The following SLC8A3 variants were observed in gnomAD, a reference collection of about 807,000 sequenced individuals.
The protein encoded by SLC8A3 is solute carrier family 8 member A3.
Under a neutral mutation model 65.4 loss-of-function variants are expected in SLC8A3, and 37 were observed. The observed-to-expected ratio is 0.57, with a 90% CI of 0.44 to 0.74. The LOEUF (loss-of-function observed/expected upper bound fraction) is 0.74. SLC8A3 is among the 30% of genes least tolerant of loss of function. The pLI, the probability that SLC8A3 is intolerant of heterozygous loss-of-function variation, is 0.00. For missense variants in SLC8A3, 1,112 were observed against 1,172.1 expected (o/e 0.95, Z 0.75); for synonymous variants, 461 against 444.5 (o/e 1.04, Z -0.47).
intron 2 of SLC8A3, among the ~76,000 whole-genome samples, chr14:70,075,123 A>ATGTG (rs138928899): frequency 1.3e-5 from 2 of 151,130 alleles, no homozygotes; most frequent in African/African-American, 4.8e-5. Flanking sequence ...AACTGTGTGT[A>ATGTG]TGTGTGTGTG....
rs148464287 is a variant in SLC8A3 at position 70,165,054 on chromosome 14, C to T, written c.1784+1585G>A. Among the ~76,000 whole-genome samples, 269 of 152,232 alleles carry T rather than the reference C, an allele frequency of 1.8e-3. 1 individual carries two copies. Among genetic ancestry groups the T allele is most frequent in the African/African-American group, 6.4e-3 (264 of 41,524 alleles). On this transcript the variant is annotated intron_variant, in intron 2 of 6. Coordinates refer to ENST00000356921, the MANE Select transcript of SLC8A3 (RefSeq NM_182932.3). ...TCCCCTGATCCATTTTTGGCAAGTG[C>T]GAATATGACCTACACTGAGTGCTTA...
chr14:70,141,883 ACTTT>A (rs1441561578), intron 2 of SLC8A3, among the ~76,000 whole-genome samples: 10 of 152,240 alleles, frequency 6.6e-5, no homozygotes, highest in African/African-American at 2.2e-4. Flanking sequence ...TCACAGTGTA[ACTTT>A]CTTTCACTTT....
At chr14:70,092,147 C>T (rs934964055) in intron 2 of SLC8A3, among the ~76,000 whole-genome samples, 2 of 152,194 alleles carry the variant, frequency 1.3e-5, no homozygotes, top group Non-Finnish European at 2.9e-5. Context: ...CACCTTCCTT[C>T]GTGTCCCTTG....
chr14:70,102,015 T>C (rs1465089949), intron 2 of SLC8A3, among the ~76,000 whole-genome samples: 2 of 152,198 alleles, frequency 1.3e-5, no homozygotes, highest in East Asian at 1.9e-4. Context: ...AGGGCCCAGA[T>C]GTTTCTATGG....
In SLC8A3 at chr14:70,085,986, C is replaced by T. The variant is rs528289066; in HGVS notation, c.1785-25047G>A. On this transcript the variant is annotated intron_variant, in intron 2 of 6. Transcript: ENST00000356921. The stretch of plus-strand genomic sequence containing the variant: ...ACTGAGGAGGTCTAGCTCCATAGTG[C>T]ATGTCCTTAACCACTATACTATACT... Among the ~76,000 whole-genome samples, 21 of 152,318 alleles carry T rather than the reference C, an allele frequency of 1.4e-4. No homozygotes were observed. In the South Asian group the frequency reaches 3.9e-3, roughly 29 times the overall value.
intron 1 of SLC8A3, among the ~76,000 whole-genome samples, chr14:70,183,804 TCCTGTGCA>T (rs1267574289): frequency 4.6e-5 from 7 of 152,206 alleles, no homozygotes; most frequent in Non-Finnish European, 8.8e-5. Flanking sequence ...CACATAGCCC[TCCTGTGCA>T]AATAATTCAC....
intron 1 of SLC8A3, among the ~76,000 whole-genome samples, chr14:70,174,438 C>A (rs1897739935): frequency 6.6e-6 from 1 of 152,034 alleles, no homozygotes; most frequent in Non-Finnish European, 1.5e-5. Context: ...GTCAAACATG[C>A]TTTGATGACA....
chr14:70,067,132 C>T, intron 2 of SLC8A3, among the ~76,000 whole-genome samples: 1 of 152,066 alleles, frequency 6.6e-6, no homozygotes, highest in Non-Finnish European at 1.5e-5. Context: ...GTCCTCAAAT[C>T]AAGCCCTTTC....
chr14:70,164,356 C>T (rs910459965), intron 2 of SLC8A3, among the ~76,000 whole-genome samples: 8 of 152,184 alleles, frequency 5.3e-5, no homozygotes, highest in African/African-American at 1.4e-4. Context: ...CACGTGAGAA[C>T]AGATGAGCAG....
intron 2 of SLC8A3, among the ~76,000 whole-genome samples, chr14:70,078,712 G>A (rs1311729420): frequency 1.3e-5 from 2 of 152,182 alleles, no homozygotes; most frequent in Non-Finnish European, 2.9e-5. Context: ...ACCAAAGGCT[G>A]TAGGAAGAAC....
chr14:70,090,655 A>G (rs1891740454), intron 2 of SLC8A3, among the ~76,000 whole-genome samples: 1 of 152,208 alleles, frequency 6.6e-6, no homozygotes, highest in Non-Finnish European at 1.5e-5. Context: ...CTTATTCCAA[A>G]TAAGTTAAAT....
chr14:70,179,281 C>G (rs930716421), intron 1 of SLC8A3, among the ~76,000 whole-genome samples: 2 of 152,134 alleles, frequency 1.3e-5, no homozygotes, highest in Admixed American at 1.3e-4. Context: ...TTCTTTACAG[C>G]CCATATTCAC....
At position 70,124,347 on chromosome 14, in the gene SLC8A3, G is replaced by A. The variant is rs533593631; in HGVS notation, c.1784+42292C>T. ...TCACCACCTCTTCCCTCACTCAGTC[G>A]CCAAACATGGTAGTCATCTGACATC... On this transcript the variant is annotated intron_variant, in intron 2 of 6. Coordinates refer to ENST00000356921, the MANE Select transcript of SLC8A3 (RefSeq NM_182932.3). 3.9e-5 allele frequency among the ~76,000 whole-genome samples: 6 copies of A among 152,234 alleles called. No homozygotes were observed. In the East Asian group the frequency reaches 5.8e-4, roughly 15 times the overall value.
At position 70,167,460 on chromosome 14, in the gene SLC8A3, C is replaced by A. The variant is rs1439159655; in HGVS notation, c.963G>T (p.Lys321Asn). 1.2e-6 allele frequency: 2 copies of A among 1,614,132 alleles called. No homozygotes were observed. Among genetic ancestry groups the A allele is most frequent in the Non-Finnish European group, 1.7e-6 (2 of 1,180,022 alleles). The change falls in exon 2 of 7, where the codon AAG becomes AAT. Residue 321 changes from lysine (K) to asparagine (N), a missense_variant. Physicochemically the swap from Lys to Asn is moderately conservative, Grantham distance 94 (BLOSUM62 0). Coordinates refer to ENST00000356921, the MANE Select transcript of SLC8A3 (RefSeq NM_182932.3). Reference sequence around the variant, plus strand: ...TCTCTGGGTGTTTTTGCTTCAGATCCTTGAGAATCCGGATCATCTCTCTGC... The same window carrying A: ...TCTCTGGGTGTTTTTGCTTCAGATCATTGAGAATCCGGATCATCTCTCTGC... ...ESRREMIRIL[K>N]DLKQKHPEKD...
At chr14:70,086,961 G>A (rs1252704755) in intron 2 of SLC8A3, among the ~76,000 whole-genome samples, 2 of 152,198 alleles carry the variant, frequency 1.3e-5, no homozygotes, top group Admixed American at 6.5e-5. Context: ...GAGGGAAACC[G>A]ATGGGGCTGT....
intron 2 of SLC8A3, among the ~76,000 whole-genome samples, chr14:70,160,706 C>T (rs1341971818): frequency 6.6e-6 from 1 of 152,026 alleles, no homozygotes; most frequent in Non-Finnish European, 1.5e-5. Flanking sequence ...GGGGATACCG[C>T]ATGCCTAGTC....
chr14:70,097,440 T>A (rs1892262230), intron 2 of SLC8A3, among the ~76,000 whole-genome samples: 1 of 152,170 alleles, frequency 6.6e-6, no homozygotes, highest in South Asian at 2.1e-4. Flanking sequence ...ACGTTACTAA[T>A]CTAGGACTGC....
At chr14:70,174,158 C>G (rs1897720118) in intron 1 of SLC8A3, among the ~76,000 whole-genome samples, 1 of 152,192 alleles carries the variant, frequency 6.6e-6, no homozygotes. Flanking sequence ...TTGACACATA[C>G]CCTAGGTTTG....
chr14:70,126,421 C>G (rs1187439865), intron 2 of SLC8A3, among the ~76,000 whole-genome samples: 1 of 152,102 alleles, frequency 6.6e-6, no homozygotes, highest in African/African-American at 2.4e-5. Context: ...AACTGGGAGG[C>G]TTCTGAAATC....
Sources: allele counts gnomAD v4.1 joint callset (sites outside exome capture counted in the v4.1 genomes callset), GRCh38; gene constraint gnomAD v4.1.1; transcripts MANE v1.5; gene names NCBI Gene and HGNC (gene_info 2026-07-23, HGNC 2026-07-21).